Variants in EIF4E observed in about 807,000 individuals in gnomAD.
EIF4E encodes eukaryotic translation initiation factor 4E.
For missense variants in EIF4E, 113 were observed against 265.6 expected, an observed-to-expected ratio of 0.43 and a Z score of 3.99; for synonymous variants, 71 against 88.5, an observed-to-expected ratio of 0.80 and a Z score of 1.11.
At chr4:98,914,184 C>T (rs34035030) in intron 1 of EIF4E, among the ~76,000 whole-genome samples, 3 of 151,188 alleles carry the variant, frequency 2.0e-5, no homozygotes, top group Admixed American at 6.6e-5. Context: ...GGTGAAACCT[C>T]GTCTCTACTA....
At chr4:98,898,317 G>C (rs933137582) in intron 2 of EIF4E, among the ~76,000 whole-genome samples, 13 of 152,122 alleles carry the variant, frequency 8.5e-5, no homozygotes, top group Non-Finnish European at 1.8e-4. Context: ...TTCTAAGACG[G>C]CAAAAATGCG....
chr4:98,922,999 C>T (rs1264391287), intron 1 of EIF4E, among the ~76,000 whole-genome samples: 1 of 151,902 alleles, frequency 6.6e-6, no homozygotes, highest in Non-Finnish European at 1.5e-5. Context: ...AGGCATGTGC[C>T]ACCATACCCA....
intron 2 of EIF4E, among the ~76,000 whole-genome samples, chr4:98,896,152 C>T (rs957975448): frequency 6.8e-6 from 1 of 146,362 alleles, no homozygotes; most frequent in African/African-American, 2.8e-5. Context: ...GCCGAGATCG[C>T]ACCACTGCAC....
At chr4:98,892,941 G>A (rs969015651) in intron 2 of EIF4E, among the ~76,000 whole-genome samples, 7 of 151,920 alleles carry the variant, frequency 4.6e-5, no homozygotes, top group Non-Finnish European at 7.4e-5. Flanking sequence ...ATACATAATA[G>A]CTTATATATA....
intron 5 of EIF4E, among the ~76,000 whole-genome samples, chr4:98,886,056 G>A (rs567504918): frequency 2.0e-3 from 298 of 151,752 alleles, no homozygotes; most frequent in African/African-American, 6.6e-3. Context: ...GAGAGGCTAA[G>A]GCAGGATGAT....
intron 2 of EIF4E, among the ~76,000 whole-genome samples, chr4:98,898,327 G>A (rs796962963): frequency 3.9e-5 from 6 of 152,184 alleles, no homozygotes; most frequent in East Asian, 1.9e-4. Context: ...GCAAAAATGC[G>A]GCCAGGTGCG....
In EIF4E at chr4:98,880,854, G is replaced by C. The variant is rs546478732; in HGVS notation, c.*174C>G. The stretch of plus-strand genomic sequence containing the variant: ...TCTAGCCAAAAAAAAAAAAAAAAAT[G>C]AACACAGAAGTACAAGACAAAGGCG... On this transcript the variant is annotated 3_prime_UTR_variant, in exon 7 of 7. Transcript: ENST00000450253. 90 of 859,290 alleles carry C rather than the reference G, an allele frequency of 1.0e-4. No homozygotes were observed. In the East Asian group the frequency reaches 2.6e-3, roughly 25 times the overall value. The allele number at this position is 859,290 out of a possible 1,614,324, so 53.2% of individuals were successfully genotyped here. A position where few individuals can be genotyped will look rare whatever the true frequency, so the allele number is the denominator to read the frequency against.
chr4:98,926,126 ACT>A (rs1334908655), intron 1 of EIF4E: 1 of 152,468 alleles, frequency 6.6e-6, no homozygotes, highest in Non-Finnish European at 1.5e-5. Context: ...TGATCGCGCC[ACT>A]GCACTCCAGC....
At chr4:98,920,251 G>A (rs190262670) in intron 1 of EIF4E, among the ~76,000 whole-genome samples, 2 of 151,720 alleles carry the variant, frequency 1.3e-5, no homozygotes, top group Non-Finnish European at 2.9e-5. Flanking sequence ...GTATAAATTG[G>A]TTTCCTTTGT....
chr4:98,904,926 A>C (rs1724803636), intron 1 of EIF4E, among the ~76,000 whole-genome samples: 1 of 152,104 alleles, frequency 6.6e-6, no homozygotes, highest in African/African-American at 2.4e-5. Flanking sequence ...TTTTAAAACG[A>C]ATGATGTGAA....
At chr4:98,909,208 G>A (rs1347874651) in intron 1 of EIF4E, among the ~76,000 whole-genome samples, 4 of 152,164 alleles carry the variant, frequency 2.6e-5, no homozygotes, top group Non-Finnish European at 4.4e-5. Flanking sequence ...ATTATGCACA[G>A]CAGGACACTA....
At chr4:98,900,008 A>G (rs935652287) in intron 2 of EIF4E, among the ~76,000 whole-genome samples, 2 of 148,610 alleles carry the variant, frequency 1.3e-5, no homozygotes, top group East Asian at 3.9e-4. Flanking sequence ...TTTTTTTTTT[A>G]AACTGATGAG....
At chr4:98,888,541 T>A (rs1401649268) in intron 3 of EIF4E, among the ~76,000 whole-genome samples, 1 of 152,126 alleles carries the variant, frequency 6.6e-6, no homozygotes, top group Non-Finnish European at 1.5e-5. Flanking sequence ...AAGCCCTACA[T>A]CTTGGGATTA....
chr4:98,912,826 A>G (rs1395019692), intron 1 of EIF4E, among the ~76,000 whole-genome samples: 3 of 152,222 alleles, frequency 2.0e-5, no homozygotes, highest in Non-Finnish European at 2.9e-5. Flanking sequence ...AAACATAACT[A>G]AAATTTCATG....
At chr4:98,928,461 C>T (rs1721317976) in intron 1 of EIF4E, among the ~76,000 whole-genome samples, 3 of 152,130 alleles carry the variant, frequency 2.0e-5, no homozygotes, top group Non-Finnish European at 4.4e-5. Context: ...CTCTCCGGCG[C>T]GCTGGATTAA....
At chr4:98,923,204 C>CAA (rs550509478) in intron 1 of EIF4E, among the ~76,000 whole-genome samples, 17 of 121,588 alleles carry the variant, frequency 1.4e-4, no homozygotes, top group African/African-American at 3.9e-4. Context: ...ACTGGGGAAA[C>CAA]AAAAAAAAAA....
rs1723591006 is a variant in EIF4E, at chr4:98,879,631, T to C, written c.*1397A>G. 1 of 151,352 alleles carries C rather than the reference T, an allele frequency of 6.6e-6. No individual in the cohort carries two copies. Among genetic ancestry groups the C allele is most frequent in the Non-Finnish European group, 1.5e-5 (1 of 67,778 alleles). 9.4% of individuals were successfully genotyped at this position (151,352 alleles called of 1,614,324 possible). ...TAGATTGCAACACTAACAAGATTCT[T>C]AATGCATATGTCCCCACCACCTGTA... On this transcript the variant is annotated 3_prime_UTR_variant, in exon 7 of 7. Transcript: ENST00000450253.
intron 1 of EIF4E, 76 bp downstream of exon 1, chr4:98,929,019 T>A: frequency 6.4e-7 from 1 of 1,563,256 alleles, no homozygotes; most frequent in Non-Finnish European, 8.7e-7. Flanking sequence ...GGGAACGCCG[T>A]CCCGCGGAGT....
At chr4:98,903,202 T>C (rs1724721916) in intron 1 of EIF4E, among the ~76,000 whole-genome samples, 2 of 152,146 alleles carry the variant, frequency 1.3e-5, no homozygotes, top group African/African-American at 4.8e-5. Flanking sequence ...CAAAGACTGA[T>C]ACCAAAAAAA....
Sources: gnomAD v4.1 joint callset for allele counts (sites outside exome capture counted in the v4.1 genomes callset) on GRCh38, gnomAD v4.1.1 for gene constraint, MANE v1.5 for transcripts, NCBI Gene and HGNC (gene_info 2026-07-23, HGNC 2026-07-21) for gene names.